Variants in NF1 observed in about 807,000 individuals in gnomAD.
NF1 encodes the protein neurofibromin.
Under a neutral mutation model 325.7 loss-of-function variants are expected in NF1, and 122 were observed. The ratio of observed to expected loss-of-function variants is 0.37; its 90% confidence interval spans 0.32 to 0.44. The LOEUF (loss-of-function observed/expected upper bound fraction) is 0.44. Among genes scored for constraint, NF1 ranks in the 20% least tolerant of loss-of-function variants. The pLI, the probability that NF1 is intolerant of heterozygous loss-of-function variation, is 1.00. For missense variants in NF1, 2,140 were observed against 3,415.4 expected (o/e 0.63, Z 9.31); for synonymous variants, 1,091 against 1,186.0 (o/e 0.92, Z 1.65).
In NF1 at chr17:31,280,733, T is replaced by G. The variant is rs114680968; in HGVS notation, c.4835+15394T>G. Among the ~76,000 whole-genome samples, 682 of 152,220 alleles carry G rather than the reference T, an allele frequency of 4.5e-3. 7 individuals carry two copies. Among genetic ancestry groups the G allele is most frequent in the African/African-American group, 0.016 (651 of 41,548 alleles). ...TCCATCTTACACATTACTGCCAGAATCATCTCTCTGAAATGTGACCATTTC... is the reference window on the plus strand; with the variant it reads ...TCCATCTTACACATTACTGCCAGAAGCATCTCTCTGAAATGTGACCATTTC... On this transcript the variant is annotated intron_variant, in intron 36 of 57. Coordinates refer to ENST00000358273, the MANE Select transcript of NF1 (RefSeq NM_001042492.3).
rs557584606 is a variant in NF1, at chr17:31,268,123, A to G, written c.4835+2784A>G. 5.9e-5 allele frequency among the ~76,000 whole-genome samples: 9 copies of G among 152,272 alleles called. No homozygotes were observed. The South Asian group carries it at 1.9e-3, about 32-fold the overall frequency. ...TGTTCAACTCTTCCTCATGATTTTC[A>G]TCTTTCTGTATCCTTTCAGCTTTTG... On this transcript the variant is annotated intron_variant, in intron 36 of 57. Transcript: ENST00000358273.
At chr17:31,129,430 T>G (rs1915161900) in intron 1 of NF1, among the ~76,000 whole-genome samples, 1 of 151,840 alleles carries the variant, frequency 6.6e-6, no homozygotes, top group African/African-American at 2.4e-5. Flanking sequence ...GTTCTACTGT[T>G]AATACTTGCG....
At chr17:31,341,200 T>C (rs996541693) in intron 47 of NF1, among the ~76,000 whole-genome samples, 94 of 152,108 alleles carry the variant, frequency 6.2e-4, no homozygotes, top group Non-Finnish European at 1.8e-4. Context: ...ATTTTACTAG[T>C]TTTTTTATTC....
Position 31,337,406 on chromosome 17 carries a change from T to C in NF1, c.6466T>C (p.Phe2156Leu), listed in dbSNP as rs746125499. Residue 2156 changes from phenylalanine (F) to leucine (L), a missense_variant, in exon 43 of 58, where the codon TTC (phenylalanine) becomes CTC (leucine). This residue lies in a region of NF1 where 180 missense variants were observed against 435.1 expected (regional missense o/e 0.41). Coordinates refer to ENST00000358273, the MANE Select transcript of NF1 (RefSeq NM_001042492.3). ...KQVLRLSLTE[F>L]SLPKFYLLFG... Reference sequence around the variant, plus strand: ...AGTTTTGAGACTCAGTCTGACAGAGTTCTCATTACCCAAATTTTACTTGCT... The same window carrying C: ...AGTTTTGAGACTCAGTCTGACAGAGCTCTCATTACCCAAATTTTACTTGCT... 5.0e-6 allele frequency: 8 copies of C among 1,614,118 alleles called. No homozygotes were observed. The South Asian group carries it at 8.8e-5, about 18-fold the overall frequency.
chr17:31,212,303 G>A (rs1199144639), intron 12 of NF1, among the ~76,000 whole-genome samples: 2 of 152,220 alleles, frequency 1.3e-5, no homozygotes, highest in Non-Finnish European at 1.5e-5. Flanking sequence ...GTGTGGAGCT[G>A]TCATCTCTTG....
At chr17:31,322,410 G>A (rs968634100) in intron 36 of NF1, among the ~76,000 whole-genome samples, 3 of 145,088 alleles carry the variant, frequency 2.1e-5, no homozygotes, top group Non-Finnish European at 3.0e-5. Flanking sequence ...AACCCGGGAC[G>A]TGGAGGCTGC....
intron 36 of NF1, among the ~76,000 whole-genome samples, chr17:31,308,507 G>A (rs1490530053): frequency 2.0e-5 from 3 of 152,098 alleles, no homozygotes; most frequent in South Asian, 2.1e-4. Flanking sequence ...CCAGATTCAC[G>A]TATCATGACT....
At chr17:31,097,478 AAAGG>A (rs1227715098) in intron 1 of NF1, among the ~76,000 whole-genome samples, 4 of 151,752 alleles carry the variant, frequency 2.6e-5, no homozygotes, top group Non-Finnish European at 5.9e-5. Context: ...AAAAAAAAAA[AAAGG>A]AGGAATGATT....
rs876660428 is a variant in NF1, at chr17:31,258,476, G to C, written c.4306G>C (p.Glu1436Gln). The C allele has an allele frequency of 6.2e-7, 1 of 1,613,814 alleles. No individual in the cohort carries two copies. Among genetic ancestry groups the C allele is most frequent in the Non-Finnish European group, 8.5e-7 (1 of 1,179,858 alleles). Residue 1436 changes from glutamate (E) to glutamine (Q), a missense_variant, in exon 32 of 58, where the codon GAA becomes CAA. Coordinates refer to ENST00000358273, the MANE Select transcript of NF1 (RefSeq NM_001042492.3). ...AGATAAAAAGCCACCACCTAGAATC[G>C]AAAGGGGCTTGAAGTTAATGTCAAA... ...ILDKKPPPRI[E>Q]RGLKLMSKIL...
At chr17:31,272,558 C>T (rs918016131) in intron 36 of NF1, 6 of 152,174 alleles carry the variant, frequency 3.9e-5, no homozygotes, top group Non-Finnish European at 5.9e-5. Context: ...GACTCGAGGT[C>T]ATTTTGAGAT....
chr17:31,219,574 CT>C (rs2066886917), intron 14 of NF1, among the ~76,000 whole-genome samples: 1 of 151,656 alleles, frequency 6.6e-6, no homozygotes. Context: ...TGTTGGTGTG[CT>C]GCACCCATTA....
chr17:31,171,388 G>A (rs2065925274), intron 5 of NF1, among the ~76,000 whole-genome samples: 2 of 152,266 alleles, frequency 1.3e-5, no homozygotes, highest in South Asian at 2.1e-4. Context: ...GTAAAATTTA[G>A]AGATCTCTAT....
intron 15 of NF1, chr17:31,222,383 G>A (rs1048137622): frequency 1.0e-4 from 104 of 1,035,180 alleles, no homozygotes; most frequent in Non-Finnish European, 1.1e-4. Context: ...AGAAAAAAAT[G>A]TATGCAGAAT....
intron 1 of NF1, among the ~76,000 whole-genome samples, chr17:31,098,624 A>G (rs994608615): frequency 3.3e-5 from 5 of 151,962 alleles, no homozygotes; most frequent in Non-Finnish European, 5.9e-5. Context: ...ATGTACTGAG[A>G]GATAGTTGTA....
intron 57 of NF1, among the ~76,000 whole-genome samples, chr17:31,363,487 G>A (rs1242295225): frequency 1.4e-5 from 2 of 147,036 alleles, no homozygotes; most frequent in Admixed American, 1.4e-4. Flanking sequence ...GCCGAGGCTG[G>A]AGTCAGTGGT....
rs1405064296 is a variant in NF1, at chr17:31,223,437, A to G, written c.1722-7A>G. 6.2e-7 allele frequency: 1 copy of G among 1,611,188 alleles called. No individual in the cohort carries two copies. Among genetic ancestry groups the G allele is most frequent in the South Asian group, 1.1e-5 (1 of 90,904 alleles). ...TGCTAGTAACAATGAACTTTATGTT[A>G]CTGCAGCTCACAAATGCTTTTTTAC... On this transcript the variant is annotated splice_region_variant and splice_polypyrimidine_tract_variant and intron_variant, in intron 15 of 57. Transcript: ENST00000358273.
intron 7 of NF1, 138 bp from the exon 8 acceptor site, chr17:31,182,370 G>A (rs1207673438): frequency 5.5e-6 from 4 of 729,466 alleles, no homozygotes; most frequent in Non-Finnish European, 9.3e-6. Context: ...GAATGCATTT[G>A]TGTAGTTGCT....
At chr17:31,288,092 A>T (rs908441073) in intron 36 of NF1, among the ~76,000 whole-genome samples, 2 of 151,954 alleles carry the variant, frequency 1.3e-5, no homozygotes, top group Non-Finnish European at 2.9e-5. Context: ...AATAATAATT[A>T]AAAAATAATA....
At chr17:31,216,441 T>G (rs949408135) in intron 13 of NF1, among the ~76,000 whole-genome samples, 3 of 152,224 alleles carry the variant, frequency 2.0e-5, no homozygotes, top group African/African-American at 7.2e-5. Flanking sequence ...ATAAAAAATC[T>G]GAGTCTTAGT....
Sources: gnomAD v4.1 joint callset for allele counts (sites outside exome capture counted in the v4.1 genomes callset) on GRCh38, gnomAD v4.1.1 for gene constraint, gnomAD v4.1.1 regional missense constraint, MANE v1.5 for transcripts, NCBI Gene and HGNC (gene_info 2026-07-23, HGNC 2026-07-21) for gene names.